Variants in APELA observed in about 807,000 individuals in gnomAD.
APELA encodes apelin receptor early endogenous ligand.
At chr4:164,888,521 A>T (rs927944220) in intron 2 of APELA, among the ~76,000 whole-genome samples, 8 of 152,220 alleles carry the variant, frequency 5.3e-5, no homozygotes, top group African/African-American at 1.9e-4. Context: ...ATCTGGGACC[A>T]GCTGCTGCAG....
At chr4:164,881,255 T>G (rs1730647917) in intron 2 of APELA, among the ~76,000 whole-genome samples, 1 of 152,176 alleles carries the variant, frequency 6.6e-6, no homozygotes, top group South Asian at 2.1e-4. Context: ...CCCCTCTAAT[T>G]TTTTGGATGC....
chr4:164,882,662 T>A (rs1477256207), intron 2 of APELA, among the ~76,000 whole-genome samples: 1 of 152,148 alleles, frequency 6.6e-6, no homozygotes, highest in East Asian at 1.9e-4. Context: ...TTGTTACATA[T>A]GTATACATGT....
chr4:164,880,824 C>G (rs1313974331), intron 2 of APELA, among the ~76,000 whole-genome samples: 3 of 152,154 alleles, frequency 2.0e-5, no homozygotes, highest in Non-Finnish European at 2.9e-5. Flanking sequence ...TTTTGACTTA[C>G]AAATCAAGTT....
Position 164,877,355 on chromosome 4 carries a change from T to C in APELA, c.24T>C (p.Phe8=), listed in dbSNP as rs150754288. MRFQQFL[F]AFFIFIMSLL... Reference sequence around the variant, plus strand: ...AAATGAGATTTCAGCAATTCCTTTTTGCATTTTTTATTTTTATTATGAGTC... The same window carrying C: ...AAATGAGATTTCAGCAATTCCTTTTCGCATTTTTTATTTTTATTATGAGTC... Residue 8 remains phenylalanine (F), a synonymous_variant, in exon 1 of 3, where the codon TTT becomes TTC. Coordinates refer to ENST00000507152, the MANE Select transcript of APELA (RefSeq NM_001297550.2). The C allele has an allele frequency of 2.2e-3, 883 of 399,060 alleles. 5 individuals are homozygous for C. Among genetic ancestry groups the C allele is most frequent in the African/African-American group, 0.015 (708 of 48,762 alleles). 24.7% of individuals were successfully genotyped at this position (399,060 alleles called of 1,614,324 possible). A position where few individuals can be genotyped will look rare whatever the true frequency, so the allele number is the denominator to read the frequency against.
At chr4:164,892,809 A>C (rs1422940162) in intron 2 of APELA, among the ~76,000 whole-genome samples, 1 of 151,854 alleles carries the variant, frequency 6.6e-6, no homozygotes, top group East Asian at 1.9e-4. Flanking sequence ...TCAGATTTTT[A>C]TTTCTTTTTG....
intron 2 of APELA, among the ~76,000 whole-genome samples, chr4:164,881,450 C>T (rs1053925940): frequency 1.3e-5 from 2 of 152,072 alleles, no homozygotes; most frequent in African/African-American, 4.8e-5. Flanking sequence ...TTTCCAGCTC[C>T]TAGGGTCATC....
downstream of APELA, among the ~76,000 whole-genome samples, chr4:164,897,694 T>C (rs1443807718): frequency 6.6e-6 from 1 of 152,132 alleles, no homozygotes; most frequent in Non-Finnish European, 1.5e-5. Context: ...TTTTACATAA[T>C]TCATGATGAT....
Position 164,885,399 on chromosome 4 carries a change from A to T in APELA, c.*1+6390A>T, listed in dbSNP as rs143543842. On this transcript the variant is annotated intron_variant, in intron 2 of 2. Transcript: ENST00000507152. Reference sequence around the variant, plus strand: ...GCCCCCCTCGGCCTCCCAAAGTGCTAGGGTTACAGGTGTGATCCATCGTGC... The same window carrying T: ...GCCCCCCTCGGCCTCCCAAAGTGCTTGGGTTACAGGTGTGATCCATCGTGC... Among the ~76,000 whole-genome samples, 606 of 151,740 alleles carry T rather than the reference A, an allele frequency of 4.0e-3. 2 individuals are homozygous for T. The highest frequency in any genetic ancestry group is 0.014 in the African/African-American group (589 of 41,476).
At chr4:164,879,533 C>G (rs765678507) in intron 2 of APELA, among the ~76,000 whole-genome samples, 5 of 152,144 alleles carry the variant, frequency 3.3e-5, no homozygotes, top group Non-Finnish European at 7.3e-5. Flanking sequence ...CAGCCTCAAC[C>G]TCCCGGGCTC....
Position 164,883,114 on chromosome 4 carries a change from A to T in APELA, c.*1+4105A>T, listed in dbSNP as rs191679472. Among the ~76,000 whole-genome samples, 8 of 151,768 alleles carry T rather than the reference A, an allele frequency of 5.3e-5. No homozygotes were observed. The East Asian group carries it at 1.6e-3, about 29-fold the overall frequency. Reference sequence around the variant, plus strand: ...TTAACCAAACCTGCCCTGCTTCCCAACTCTTCCTGCAATTGTCCTAGCATC... The same window carrying T: ...TTAACCAAACCTGCCCTGCTTCCCATCTCTTCCTGCAATTGTCCTAGCATC... On this transcript the variant is annotated intron_variant, in intron 2 of 2. Coordinates refer to ENST00000507152, the MANE Select transcript of APELA (RefSeq NM_001297550.2).
intron 2 of APELA, among the ~76,000 whole-genome samples, chr4:164,891,690 G>T (rs1289898968): frequency 6.6e-6 from 1 of 151,984 alleles, no homozygotes; most frequent in Non-Finnish European, 1.5e-5. Context: ...TTTTCAGAAG[G>T]TTCCTTAGGA....
At position 164,877,954 on chromosome 4, in the gene APELA, C is replaced by A. The variant is rs114997699; in HGVS notation, c.76+547C>A. On this transcript the variant is annotated intron_variant, in intron 1 of 2. Coordinates refer to ENST00000507152, the MANE Select transcript of APELA (RefSeq NM_001297550.2). ...TGCAGTTTTTATTATTATGCTTATA[C>A]AGCTAAAAAGCATCAAAAATATGTA... 8.6e-3 allele frequency among the ~76,000 whole-genome samples: 1,312 copies of A among 152,022 alleles called. 10 individuals carry two copies. Among genetic ancestry groups the A allele is most frequent in the Non-Finnish European group, 0.012 (831 of 67,958 alleles).
chr4:164,888,760 T>A (rs549679086), intron 2 of APELA, among the ~76,000 whole-genome samples: 1 of 149,498 alleles, frequency 6.7e-6, no homozygotes, highest in Admixed American at 6.6e-5. Flanking sequence ...CTTCTTAAGG[T>A]CCTTTAGTGA....
In APELA at chr4:164,895,431, T is replaced by G. The variant is rs772223527; in HGVS notation, c.*17T>G. On this transcript the variant is annotated 3_prime_UTR_variant, in exon 3 of 3. Transcript: ENST00000507152. ...TCAAATATAGATCTCTCTAGCTAAC[T>G]TTACTGGATCTATCAGAAGAAGAAG... 1 of 152,136 alleles carries G rather than the reference T, an allele frequency of 6.6e-6. No individual in the cohort carries two copies. Among genetic ancestry groups the G allele is most frequent in the Non-Finnish European group, 1.5e-5 (1 of 68,028 alleles). The allele number at this position is 152,136 out of a possible 1,614,324, so 9.4% of individuals were successfully genotyped here. A position where few individuals can be genotyped will look rare whatever the true frequency, so the allele number is the denominator to read the frequency against.
chr4:164,894,649 C>T (rs1288432669), intron 2 of APELA, among the ~76,000 whole-genome samples: 1 of 152,152 alleles, frequency 6.6e-6, no homozygotes, highest in Non-Finnish European at 1.5e-5. Context: ...AAGCAATCCA[C>T]CTGCCTCGGC....
At chr4:164,880,150 G>A (rs1560856664) in intron 2 of APELA, among the ~76,000 whole-genome samples, 2 of 152,164 alleles carry the variant, frequency 1.3e-5, no homozygotes, top group Non-Finnish European at 2.9e-5. Context: ...CACAGGCAAT[G>A]GCAAAATTAG....
At chr4:164,878,196 A>AGAAAG (rs1553970694) in intron 1 of APELA, among the ~76,000 whole-genome samples, 22 of 143,472 alleles carry the variant, frequency 1.5e-4, no homozygotes, top group South Asian at 4.7e-4. Flanking sequence ...AGAAACAGAA[A>AGAAAG]AAAGAAAGAA....
chr4:164,883,286 C>A (rs946966389), intron 2 of APELA, among the ~76,000 whole-genome samples: 12 of 152,120 alleles, frequency 7.9e-5, no homozygotes, highest in African/African-American at 2.7e-4. Context: ...ACTTCATATT[C>A]CTATTCAACT....
intron 2 of APELA, among the ~76,000 whole-genome samples, chr4:164,891,368 T>C (rs1730878770): frequency 6.6e-6 from 1 of 152,196 alleles, no homozygotes; most frequent in South Asian, 2.1e-4. Context: ...TGGATAGGGA[T>C]AGTTTTAAAT....
Sources: gnomAD v4.1 joint callset for allele counts (sites outside exome capture counted in the v4.1 genomes callset) on GRCh38, gnomAD v4.1.1 for gene constraint, MANE v1.5 for transcripts, NCBI Gene and HGNC (gene_info 2026-07-23, HGNC 2026-07-21) for gene names.